Variants in MNAT1 observed in about 807,000 individuals in gnomAD.
The protein encoded by MNAT1 is CDK-activating kinase assembly factor MAT1.
In MNAT1, 43 loss-of-function variants were observed where a neutral mutation model predicts 42.0. The ratio of observed to expected loss-of-function variants is 1.02; its 90% CI spans 0.80 to 1.32. The LOEUF (loss-of-function observed/expected upper bound fraction) is 1.32. Among genes scored for constraint, MNAT1 ranks in the 40% most tolerant of loss-of-function variants. MNAT1 has a pLI of 0.00. For missense variants in MNAT1, 306 were observed against 350.4 expected (o/e 0.87, Z 1.01); for synonymous variants, 118 against 120.0 (o/e 0.98, Z 0.11).
intron 7 of MNAT1, among the ~76,000 whole-genome samples, chr14:60,953,309 C>T (rs1265147690): frequency 6.6e-6 from 1 of 152,050 alleles, no homozygotes; most frequent in Non-Finnish European, 1.5e-5. Flanking sequence ...TACTCTATTA[C>T]CCTGTGATAA....
At chr14:60,771,838 A>G (rs914765985) in intron 1 of MNAT1, among the ~76,000 whole-genome samples, 4 of 152,366 alleles carry the variant, frequency 2.6e-5, no homozygotes, top group East Asian at 1.9e-4. Flanking sequence ...TGCCTGCTAC[A>G]TGATGGGCAC....
intron 1 of MNAT1, among the ~76,000 whole-genome samples, chr14:60,791,471 T>A (rs528868635): frequency 6.6e-6 from 1 of 152,284 alleles, no homozygotes; most frequent in South Asian, 2.1e-4. Context: ...ATACATAGAT[T>A]CTGAGTTCCC....
intron 7 of MNAT1, among the ~76,000 whole-genome samples, chr14:60,905,012 TTGCCCAGGC>T (rs1020915020): frequency 2.3e-5 from 2 of 87,318 alleles, no homozygotes. Flanking sequence ...TCTCGCTCTG[TTGCCCAGGC>T]TGGAGTGCAG....
At chr14:60,840,159 T>A (rs2139399386) in intron 6 of MNAT1, among the ~76,000 whole-genome samples, 1 of 152,330 alleles carries the variant, frequency 6.6e-6, no homozygotes, top group African/African-American at 2.4e-5. Context: ...TTTAGTTACA[T>A]CTGCAAAATT....
At chr14:60,902,019 A>G (rs1457964377) in intron 7 of MNAT1, among the ~76,000 whole-genome samples, 1 of 152,242 alleles carries the variant, frequency 6.6e-6, no homozygotes, top group Non-Finnish European at 1.5e-5. Flanking sequence ...TGTGCTACAG[A>G]GAAATCTTTT....
At chr14:60,903,506 A>G (rs2035116043) in intron 7 of MNAT1, among the ~76,000 whole-genome samples, 1 of 152,194 alleles carries the variant, frequency 6.6e-6, no homozygotes, top group African/African-American at 2.4e-5. Context: ...CAGCTATATG[A>G]AAGCATAATT....
chr14:60,872,835 TACACACACACAC>T (rs200338598), intron 6 of MNAT1, among the ~76,000 whole-genome samples: 1 of 146,848 alleles, frequency 6.8e-6, no homozygotes, highest in African/African-American at 2.6e-5. Context: ...CACACACACA[TACACACACACAC>T]ACACACACAC....
chr14:60,881,119 C>CA (rs1486251309), intron 7 of MNAT1, among the ~76,000 whole-genome samples: 1 of 152,048 alleles, frequency 6.6e-6, no homozygotes, highest in Non-Finnish European at 1.5e-5. Flanking sequence ...ATAATTTTGT[C>CA]AAAATTTTTC....
rs35645256 is a variant in MNAT1 at position 60,831,103 on chromosome 14, CTT to C, written c.687+12269_687+12270del. On this transcript the variant is annotated intron_variant, in intron 6 of 7. Transcript: ENST00000261245. ...AATGTATTGCTGCTTTCTTTTGTTC[CTT>C]TTTTTTTTTTTTCAATACTTTTAAG... Among the ~76,000 whole-genome samples the C allele has an allele frequency of 1.8e-3, 252 of 138,606 alleles. 1 individual carries two copies. The highest frequency in any genetic ancestry group is 0.014 in the East Asian group (68 of 4,868). The allele number at this position is 138,606 out of a possible 152,430, so 90.9% of individuals were successfully genotyped here. A position where few individuals can be genotyped will look rare whatever the true frequency, so the allele number is the denominator to read the frequency against.
At chr14:60,818,902 T>C in intron 6 of MNAT1, 55 bp downstream of exon 6, 2 of 1,572,060 alleles carry the variant, frequency 1.3e-6, no homozygotes, top group Non-Finnish European at 1.7e-6. Context: ...GATTATGCTT[T>C]ATAATTTTAC....
intron 1 of MNAT1, among the ~76,000 whole-genome samples, chr14:60,794,501 CAAAAAAAT>C (rs1296594122): frequency 6.6e-6 from 1 of 150,536 alleles, no homozygotes; most frequent in Non-Finnish European, 1.5e-5. Context: ...CCAGTCTCTA[CAAAAAAAT>C]AAAAAAATTA....
chr14:60,785,948 T>G (rs1046047152), intron 1 of MNAT1, among the ~76,000 whole-genome samples: 6 of 152,076 alleles, frequency 3.9e-5, no homozygotes, highest in African/African-American at 1.4e-4. Context: ...AAGAAATAGT[T>G]TAAAAAATGA....
intron 6 of MNAT1, among the ~76,000 whole-genome samples, chr14:60,839,298 C>T (rs1384102403): frequency 6.6e-6 from 1 of 152,172 alleles, no homozygotes; most frequent in Non-Finnish European, 1.5e-5. Flanking sequence ...CAGCCAGACT[C>T]ACACAGACGT....
Position 60,741,982 on chromosome 14 carries a change from G to T in MNAT1, c.89+7031G>T, listed in dbSNP as rs190234059. 2.1e-3 allele frequency among the ~76,000 whole-genome samples: 316 copies of T among 151,694 alleles called. 2 individuals carry two copies. Among genetic ancestry groups the T allele is most frequent in the Middle Eastern group, 0.01 (3 of 294 alleles). On this transcript the variant is annotated intron_variant, in intron 1 of 7. Transcript: ENST00000261245. ...CTACATGTTTCCTTGTATTCCTTTG[G>T]TTTTTTTGTTGTTCTTTTGCTCCTT... is the stretch of plus-strand genomic sequence containing the variant.
intron 1 of MNAT1, among the ~76,000 whole-genome samples, chr14:60,743,971 C>T (rs1566748069): frequency 1.3e-5 from 2 of 152,188 alleles, no homozygotes; most frequent in East Asian, 1.9e-4. Context: ...TATTTCCCAT[C>T]TATATACTCA....
intron 7 of MNAT1, among the ~76,000 whole-genome samples, chr14:60,928,519 T>C (rs987078018): frequency 1.3e-5 from 2 of 152,204 alleles, no homozygotes; most frequent in Non-Finnish European, 2.9e-5. Flanking sequence ...ATGTTTATTA[T>C]TGTCATTTTG....
At chr14:60,910,405 T>A (rs61993025) in intron 7 of MNAT1, among the ~76,000 whole-genome samples, 34,824 of 151,970 alleles carry the variant, frequency 0.23, 4,291 homozygotes, top group Middle Eastern at 0.3. Flanking sequence ...CTTGTGCCAG[T>A]TTTCAAAGGG....
intron 1 of MNAT1, among the ~76,000 whole-genome samples, chr14:60,746,988 CTT>C (rs1198228295): frequency 1.1e-5 from 1 of 92,016 alleles, no homozygotes; most frequent in Non-Finnish European, 2.1e-5. Flanking sequence ...AAAATTATGT[CTT>C]TTTTTTTTTT....
Position 60,813,906 on chromosome 14 carries a change from C to T in MNAT1, c.561+1779C>T, listed in dbSNP as rs997367867. 4.6e-5 allele frequency among the ~76,000 whole-genome samples: 7 copies of T among 151,872 alleles called. No individual in the cohort carries two copies. In the South Asian group the frequency reaches 6.2e-4, roughly 14 times the overall value. On this transcript the variant is annotated intron_variant, in intron 5 of 7. Transcript: ENST00000261245. ...TACTTACTTTGTGTAACTCTAAGAACGATGTTAAAATGAGGTTCTAGTATA... is the reference window on the plus strand; with the variant it reads ...TACTTACTTTGTGTAACTCTAAGAATGATGTTAAAATGAGGTTCTAGTATA...
Sources: allele counts gnomAD v4.1 joint callset (sites outside exome capture counted in the v4.1 genomes callset), GRCh38; gene constraint gnomAD v4.1.1; transcripts MANE v1.5; gene names NCBI Gene and HGNC (gene_info 2026-07-23, HGNC 2026-07-21).